STIM2: variants seen among roughly 807,000 people sequenced by gnomAD.
STIM2 encodes the protein stromal interaction molecule 2.
A neutral mutation model predicts 85.8 loss-of-function variants in STIM2; 31 were observed. The ratio of observed to expected loss-of-function variants is 0.36; its 90% confidence interval spans 0.27 to 0.49. The LOEUF (loss-of-function observed/expected upper bound fraction) is 0.49, where lower values mean the gene tolerates loss of function less well. Ranked by LOEUF, STIM2 falls within the 20% of genes least tolerant of loss-of-function variation. The pLI is 0.98. For synonymous variants in STIM2, 356 were observed against 331.1 expected (o/e 1.08, Z -0.82); for missense variants, 841 against 927.6 (o/e 0.91, Z 1.21).
chr4:27,021,748 C>T (rs1313749176), intron 11 of STIM2: 2 of 412,156 alleles, frequency 4.9e-6, no homozygotes, highest in Admixed American at 2.5e-5. Context: ...TAGTTGAGTT[C>T]CTGGCTGTTG....
chr4:26,885,857 A>ATGTG (rs1560194648), intron 1 of STIM2, among the ~76,000 whole-genome samples: 2 of 67,816 alleles, frequency 2.9e-5, no homozygotes, highest in Non-Finnish European at 5.9e-5. Context: ...ATATATATAT[A>ATGTG]TATATATATA....
chr4:27,019,750 C>T, intron 11 of STIM2: 1 of 281,266 alleles, frequency 3.6e-6, no homozygotes, highest in East Asian at 8.4e-5. Flanking sequence ...CATATATGCT[C>T]ATTTAAACCT....
rs34301656 is a variant in STIM2 at position 26,962,559 on chromosome 4, A to AGTGT, written c.397+4872_397+4875dup. Among the ~76,000 whole-genome samples the AGTGT allele has an allele frequency of 1.5e-3, 219 of 142,710 alleles. 1 individual carries two copies. Among genetic ancestry groups the AGTGT allele is most frequent in the African/African-American group, 3.1e-3 (119 of 38,340 alleles). 93.6% of individuals were successfully genotyped at this position (142,710 alleles called of 152,430 possible). ...AGAATTTCAGCAATGACTTTAATGC[A>AGTGT]GTGTGTGTGTGTGTGTGTGTGTGTG... On this transcript the variant is annotated intron_variant, in intron 3 of 11. Transcript: ENST00000467087.
chr4:26,954,293 C>T (rs1213666029), intron 2 of STIM2, among the ~76,000 whole-genome samples: 3 of 152,036 alleles, frequency 2.0e-5, no homozygotes, highest in Admixed American at 2.0e-4. Flanking sequence ...ATCGTCTGAG[C>T]GAATCTTTTA....
intron 2 of STIM2, among the ~76,000 whole-genome samples, chr4:26,947,485 A>G (rs1577455709): frequency 6.6e-6 from 1 of 152,060 alleles, no homozygotes; most frequent in Admixed American, 6.6e-5. Context: ...AGTGGGGGAA[A>G]TTGGCCGGGC....
intron 3 of STIM2, among the ~76,000 whole-genome samples, chr4:26,960,371 G>A (rs1027135398): frequency 6.6e-6 from 1 of 152,094 alleles, no homozygotes; most frequent in African/African-American, 2.4e-5. Context: ...TTGTGTGTAT[G>A]TGTGTATGTA....
chr4:26,956,881 A>G (rs1314156534), intron 2 of STIM2, among the ~76,000 whole-genome samples: 1 of 152,074 alleles, frequency 6.6e-6, no homozygotes, highest in East Asian at 1.9e-4. Flanking sequence ...CCTTGGGCAA[A>G]TTACTTAGCC....
rs1200846936 is a variant in STIM2 at position 27,025,079 on chromosome 4, G to A, written c.*2083G>A. The A allele has an allele frequency of 2.0e-5, 3 of 152,192 alleles. No homozygotes were observed. Among genetic ancestry groups the A allele is most frequent in the Non-Finnish European group, 2.9e-5 (2 of 68,056 alleles). 9.4% of individuals were successfully genotyped at this position (152,192 alleles called of 1,614,324 possible). On this transcript the variant is annotated 3_prime_UTR_variant, in exon 12 of 12. Transcript: ENST00000467087. ...CCAAAGAGACTGTGGGCTGTTTTCAGTCAGGGAGCATGTGCATTGTTTGTG... is the reference window on the plus strand; with the variant it reads ...CCAAAGAGACTGTGGGCTGTTTTCAATCAGGGAGCATGTGCATTGTTTGTG...
chr4:26,955,564 A>G (rs1444467412), intron 2 of STIM2, among the ~76,000 whole-genome samples: 2 of 148,240 alleles, frequency 1.3e-5, no homozygotes, highest in African/African-American at 5.2e-5. Context: ...GTGTCAGTCA[A>G]GAAGAGTTGG....
At chr4:26,911,691 C>G (rs990260033) in intron 1 of STIM2, among the ~76,000 whole-genome samples, 1 of 152,120 alleles carries the variant, frequency 6.6e-6, no homozygotes, top group East Asian at 1.9e-4. Flanking sequence ...TTACAACTTT[C>G]CCTTTCTTAT....
rs758541156 is a variant in STIM2, at chr4:26,860,928, TTTTTTTTTTTTTTTAAATA to T, written c.-290_-272del. ...CCGTACCTTTCTACCCCCCACCTTT[TTTTTTTTTTTTTTTAAATA>T]ACCGGAACCAATGAACGCAGCCGGG... On this transcript the variant is annotated 5_prime_UTR_variant, in exon 1 of 12. Transcript: ENST00000467087. 1 of 912,274 alleles carries T rather than the reference TTTTTTTTTTTTTTTAAATA, an allele frequency of 1.1e-6. No individual in the cohort carries two copies. The highest frequency in any genetic ancestry group is 2.3e-5 in the South Asian group (1 of 42,646). The allele number at this position is 912,274 out of a possible 1,614,324, so 56.5% of individuals were successfully genotyped here.
At chr4:26,949,973 T>C (rs192797235) in intron 2 of STIM2, among the ~76,000 whole-genome samples, 1 of 152,354 alleles carries the variant, frequency 6.6e-6, no homozygotes, top group Admixed American at 6.5e-5. Context: ...AAATTGTATT[T>C]TATAAATACA....
chr4:26,980,439 C>T (rs1727340689), intron 3 of STIM2, among the ~76,000 whole-genome samples: 1 of 151,552 alleles, frequency 6.6e-6, no homozygotes, highest in South Asian at 2.1e-4. Flanking sequence ...ATACTTTCTT[C>T]CTCATTGGCA....
chr4:26,932,490 TAA>T (rs975970562), intron 2 of STIM2, among the ~76,000 whole-genome samples: 4 of 152,232 alleles, frequency 2.6e-5, no homozygotes, highest in African/African-American at 9.6e-5. Flanking sequence ...TGATCAAAGA[TAA>T]AGTCATTTTA....
At chr4:26,911,035 G>A (rs950667112) in intron 1 of STIM2, among the ~76,000 whole-genome samples, 3 of 151,980 alleles carry the variant, frequency 2.0e-5, no homozygotes, top group Admixed American at 6.6e-5. Flanking sequence ...TCAGGAGTTC[G>A]AGACCAGCCT....
chr4:26,919,798 A>C (rs912610935), intron 2 of STIM2, among the ~76,000 whole-genome samples, 164 bp downstream of exon 2: 3 of 152,024 alleles, frequency 2.0e-5, no homozygotes, highest in African/African-American at 7.3e-5. Context: ...AAACATTTAC[A>C]TGGTTTTTCT....
In STIM2 at chr4:26,920,980, C is replaced by G. The variant is rs1724773565; in HGVS notation, c.282+1346C>G. ...GTGTTCTCTAAAAACATGTTGAAGT[C>G]CTAAACCCCAGCACCTCAGAATGTG... On this transcript the variant is annotated intron_variant, in intron 2 of 11. Coordinates refer to ENST00000467087, the MANE Select transcript of STIM2 (RefSeq NM_020860.4). 2.0e-5 allele frequency among the ~76,000 whole-genome samples: 3 copies of G among 152,114 alleles called. No individual in the cohort carries two copies. In the South Asian group the frequency reaches 6.2e-4, roughly 32 times the overall value.
intron 2 of STIM2, among the ~76,000 whole-genome samples, chr4:26,937,761 C>T (rs1429381626): frequency 6.6e-6 from 1 of 152,152 alleles, no homozygotes; most frequent in Non-Finnish European, 1.5e-5. Flanking sequence ...TATCAGCCTG[C>T]TTCAGTTGTA....
chr4:26,933,581 T>A (rs1725278323), intron 2 of STIM2, among the ~76,000 whole-genome samples: 1 of 151,932 alleles, frequency 6.6e-6, no homozygotes. Context: ...ATCCTCATAT[T>A]TTTCCAGACT....
Sources: allele counts gnomAD v4.1 joint callset (sites outside exome capture counted in the v4.1 genomes callset), GRCh38; gene constraint gnomAD v4.1.1; transcripts MANE v1.5; gene names NCBI Gene and HGNC (gene_info 2026-07-23, HGNC 2026-07-21).